Variants in CRTAC1 observed in about 807,000 individuals in gnomAD.
CRTAC1 encodes cartilage acidic protein 1.
CRTAC1 carries 37 observed loss-of-function variants against 67.8 expected under a neutral mutation model. The ratio of observed to expected loss-of-function variants is 0.55; its 90% confidence interval spans 0.42 to 0.72. The LOEUF (loss-of-function observed/expected upper bound fraction) is 0.72, where lower values mean the gene tolerates loss of function less well. Ranked by LOEUF, CRTAC1 falls within the 30% of genes least tolerant of loss-of-function variation. The pLI is 0.00. For missense variants in CRTAC1, 780 were observed against 931.6 expected, an observed-to-expected ratio of 0.84 and a Z score of 2.12; for synonymous variants, 348 against 371.0, an observed-to-expected ratio of 0.94 and a Z score of 0.71.
rs527993345 is a variant in CRTAC1, at chr10:97,904,689, G to A, written c.976C>T (p.His326Tyr). Residue 326 changes from histidine to tyrosine, a missense_variant, in exon 7 of 15, where the codon CAT (histidine) becomes TAT (tyrosine). Physicochemically the swap from His to Tyr is moderately conservative, Grantham distance 83. Coordinates refer to ENST00000370597, the MANE Select transcript of CRTAC1 (RefSeq NM_018058.7). ...CTTACCCGGAAGCGGACCTTCCCATGGGTGCTCATTTGCAGATAGAGGCGG... is the reference window on the plus strand; with the variant it reads ...CTTACCCGGAAGCGGACCTTCCCATAGGTGCTCATTTGCAGATAGAGGCGG... ...PHRLYLQMST[H>Y]GKVRFRDIAS... 1.9e-6 allele frequency: 3 copies of A among 1,582,994 alleles called. No individual in the cohort carries two copies. Among genetic ancestry groups the A allele is most frequent in the African/African-American group, 1.4e-5 (1 of 73,226 alleles).
At chr10:97,952,755 A>ATT (rs1196245115) in intron 2 of CRTAC1, among the ~76,000 whole-genome samples, 4 of 152,176 alleles carry the variant, frequency 2.6e-5, no homozygotes, top group Non-Finnish European at 5.9e-5. Context: ...GTCTAGTACA[A>ATT]AAAAGACTTG....
chr10:97,890,087 G>A (rs1418806387), intron 11 of CRTAC1, among the ~76,000 whole-genome samples: 3 of 66,336 alleles, frequency 4.5e-5, no homozygotes, highest in Non-Finnish European at 1.1e-4. Context: ...TGTCCAGGAT[G>A]TGTACACACA....
chr10:97,925,638 A>G (rs1360456765), intron 3 of CRTAC1, among the ~76,000 whole-genome samples: 2 of 120,014 alleles, frequency 1.7e-5, no homozygotes, highest in Non-Finnish European at 3.4e-5. Context: ...GGGGAGGGTG[A>G]GTGAGAATGA....
chr10:97,887,020 G>C (rs2050296229), intron 11 of CRTAC1, among the ~76,000 whole-genome samples: 1 of 151,620 alleles, frequency 6.6e-6, no homozygotes, highest in Admixed American at 6.6e-5. Context: ...AGGGTGTACA[G>C]TTCCCAAGTT....
chr10:97,983,415 A>G (rs2051930270), intron 2 of CRTAC1, among the ~76,000 whole-genome samples: 1 of 151,826 alleles, frequency 6.6e-6, no homozygotes, highest in South Asian at 2.1e-4. Flanking sequence ...AGAGATAGAA[A>G]AAGAATGTTT....
intron 3 of CRTAC1, among the ~76,000 whole-genome samples, chr10:97,931,850 T>C (rs1437301649): frequency 6.6e-6 from 1 of 152,148 alleles, no homozygotes; most frequent in Non-Finnish European, 1.5e-5. Flanking sequence ...GGGGATGGGC[T>C]TTGACCAGGA....
chr10:97,965,032 G>A (rs192803490), intron 2 of CRTAC1, among the ~76,000 whole-genome samples: 4 of 152,264 alleles, frequency 2.6e-5, no homozygotes, highest in Admixed American at 1.3e-4. Context: ...GCGCACAGAT[G>A]AATTGGAAGG....
intron 5 of CRTAC1, among the ~76,000 whole-genome samples, chr10:97,914,155 CAG>C (rs1342165322): frequency 2.6e-5 from 4 of 152,170 alleles, no homozygotes; most frequent in East Asian, 3.9e-4. Context: ...GGAAGGAGAG[CAG>C]AGAGATGGAC....
Position 97,895,148 on chromosome 10 carries a change from A to G in CRTAC1, c.1486+97T>C. 1 of 1,227,500 alleles carries G rather than the reference A, an allele frequency of 8.1e-7. No homozygotes were observed. Among genetic ancestry groups the G allele is most frequent in the South Asian group, 1.4e-5 (1 of 71,882 alleles). The allele number at this position is 1,227,500 out of a possible 1,614,324, so 76.0% of individuals were successfully genotyped here. On this transcript the variant is annotated intron_variant, in intron 11 of 14. Transcript: ENST00000370597. The surrounding 1 kb of genome is among the most constrained non-coding windows in gnomAD (Gnocchi z 4.2). The stretch of plus-strand genomic sequence containing the variant: ...TGGTGTCCACCATGGCTGTCACAGT[A>G]GAGCGGAGCGGTGCCCAAGGATGCT...
At chr10:97,870,371 T>C (rs553709383) in intron 14 of CRTAC1, 3 of 152,276 alleles carry the variant, frequency 2.0e-5, no homozygotes, top group African/African-American at 4.8e-5. Flanking sequence ...CACCATGTGA[T>C]TCCCCTTATA....
intron 11 of CRTAC1, among the ~76,000 whole-genome samples, chr10:97,888,697 C>T (rs917625264): frequency 4.6e-5 from 7 of 152,084 alleles, no homozygotes; most frequent in Admixed American, 1.3e-4. Context: ...CGGGGCTGCA[C>T]GGGCTGAGGG....
chr10:97,915,538 C>T (rs968571586), intron 5 of CRTAC1, among the ~76,000 whole-genome samples: 1 of 152,192 alleles, frequency 6.6e-6, no homozygotes, highest in East Asian at 1.9e-4. Flanking sequence ...CACAGTGGTG[C>T]TGAGCGCTGG....
At chr10:97,891,279 T>G (rs149667775) in intron 11 of CRTAC1, among the ~76,000 whole-genome samples, 38 of 152,366 alleles carry the variant, frequency 2.5e-4, no homozygotes, top group Admixed American at 7.8e-4. Context: ...ATATACATTG[T>G]TTTTACAATC....
intron 14 of CRTAC1, among the ~76,000 whole-genome samples, chr10:97,874,151 G>A (rs895192529): frequency 1.3e-5 from 2 of 152,316 alleles, no homozygotes; most frequent in South Asian, 4.1e-4. Context: ...AGGACCAGAC[G>A]GGGGTGCAGA....
intron 1 of CRTAC1, among the ~76,000 whole-genome samples, chr10:98,026,807 G>A (rs1185951233): frequency 6.6e-6 from 1 of 152,184 alleles, no homozygotes; most frequent in Non-Finnish European, 1.5e-5. Flanking sequence ...TACGAGGGTA[G>A]GCTTCCGAGT....
In CRTAC1 at chr10:97,936,253, T is replaced by C. The variant is rs1301834426; in HGVS notation, c.338A>G (p.Asn113Ser). ...PYYALRDRQG[N>S]AIGVTACDID... Reference sequence around the variant, plus strand: ...GTCGCAGGCTGTGACCCCGATGGCGTTCCCCTGCCGGTCCCGCAGCGCGTA... The same window carrying C: ...GTCGCAGGCTGTGACCCCGATGGCGCTCCCCTGCCGGTCCCGCAGCGCGTA... The change falls in exon 3 of 15, where the codon AAC (asparagine) becomes AGC (serine). Residue 113 changes from asparagine to serine, a missense_variant. Transcript: ENST00000370597. 1 of 1,613,994 alleles carries C rather than the reference T, an allele frequency of 6.2e-7. No individual in the cohort carries two copies. The highest frequency in any genetic ancestry group is 8.5e-7 in the Non-Finnish European group (1 of 1,179,986).
chr10:97,906,423 G>A (rs938286830), intron 6 of CRTAC1, among the ~76,000 whole-genome samples: 2 of 152,126 alleles, frequency 1.3e-5, no homozygotes, highest in African/African-American at 4.8e-5. Flanking sequence ...GGTGATGAAT[G>A]CCCTCTTGAC....
chr10:97,938,166 A>G (rs181091726), intron 2 of CRTAC1, among the ~76,000 whole-genome samples: 6 of 152,238 alleles, frequency 3.9e-5, no homozygotes, highest in Admixed American at 2.0e-4. Context: ...ACCTTGATGA[A>G]GAGTGTCTGA....
intron 2 of CRTAC1, among the ~76,000 whole-genome samples, chr10:97,966,709 C>T (rs866794234): frequency 2.0e-5 from 3 of 152,190 alleles, no homozygotes; most frequent in East Asian, 3.8e-4. Flanking sequence ...AGCTCCTCTT[C>T]GCCATGACAG....
Sources: allele counts gnomAD v4.1 joint callset (sites outside exome capture counted in the v4.1 genomes callset), GRCh38; gene constraint gnomAD v4.1.1; non-coding constraint Gnocchi (gnomAD v3.1); transcripts MANE v1.5; gene names NCBI Gene and HGNC (gene_info 2026-07-23, HGNC 2026-07-21).